The following LRMDA variants were observed in gnomAD, a reference collection of about 807,000 sequenced individuals.
LRMDA encodes leucine rich melanocyte differentiation associated.
A neutral mutation model predicts 29.8 loss-of-function variants in LRMDA; 18 were observed. The ratio of observed to expected loss-of-function variants is 0.60; its 90% CI spans 0.42 to 0.90. The LOEUF is 0.90. Among genes scored for constraint, LRMDA ranks in the 40% least tolerant of loss-of-function variants. The pLI is 0.00. For missense variants in LRMDA, 273 were observed against 273.9 expected (o/e 1.00, Z 0.02); for synonymous variants, 125 against 109.4 (o/e 1.14, Z -0.89).
chr10:76,334,001 CTGGCCTG>C (rs1350311145), intron 6 of LRMDA, among the ~76,000 whole-genome samples: 2 of 152,282 alleles, frequency 1.3e-5, no homozygotes, highest in East Asian at 3.9e-4. Context: ...GAACTCTAAT[CTGGCCTG>C]TTAAATGGAA....
chr10:75,523,222 G>A (rs923598273), intron 2 of LRMDA, among the ~76,000 whole-genome samples: 6 of 152,128 alleles, frequency 3.9e-5, no homozygotes, highest in African/African-American at 9.7e-5. Context: ...GCTCTCCCTG[G>A]GTGGAGAGCC....
At chr10:75,538,107 G>T (rs758379401) in intron 2 of LRMDA, among the ~76,000 whole-genome samples, 3 of 152,154 alleles carry the variant, frequency 2.0e-5, no homozygotes, top group Non-Finnish European at 4.4e-5. Flanking sequence ...GAATTTTGAG[G>T]TCTGAGGACA....
chr10:76,149,479 A>G (rs1297521432), intron 5 of LRMDA, among the ~76,000 whole-genome samples: 1 of 152,158 alleles, frequency 6.6e-6, no homozygotes, highest in Non-Finnish European at 1.5e-5. Context: ...TCTGGTCTAC[A>G]TTTTTGTCAT....
chr10:76,125,344 A>C (rs1431440154), intron 5 of LRMDA, among the ~76,000 whole-genome samples: 4 of 152,202 alleles, frequency 2.6e-5, no homozygotes, highest in Non-Finnish European at 5.9e-5. Flanking sequence ...CATTCTTCCA[A>C]AATTATCCAC....
intron 2 of LRMDA, among the ~76,000 whole-genome samples, chr10:75,970,800 G>A (rs1018277029): frequency 8.5e-5 from 13 of 152,186 alleles, no homozygotes; most frequent in East Asian, 1.9e-4. Flanking sequence ...TCTCAGCTCC[G>A]TGTGAGCTGA....
chr10:76,110,548 ATC>A (rs1849560104), intron 5 of LRMDA, among the ~76,000 whole-genome samples: 1 of 152,138 alleles, frequency 6.6e-6, no homozygotes, highest in Non-Finnish European at 1.5e-5. Context: ...CTTGAATTGT[ATC>A]TCTCAGAATT....
intron 2 of LRMDA, among the ~76,000 whole-genome samples, chr10:75,790,826 C>T (rs1219358081): frequency 1.3e-5 from 2 of 152,174 alleles, no homozygotes; most frequent in Non-Finnish European, 2.9e-5. Context: ...AAACCAGGTC[C>T]AAGAGGAGTT....
chr10:75,520,617 G>C (rs1411604032), intron 2 of LRMDA, among the ~76,000 whole-genome samples: 1 of 152,080 alleles, frequency 6.6e-6, no homozygotes, highest in East Asian at 1.9e-4. Context: ...CCTTGCGATG[G>C]GTTCGAACAT....
In LRMDA at chr10:76,007,023, TGTGTGTGTGCGC is replaced by T. The variant is rs1376427672; in HGVS notation, c.132-28976_132-28965del. Among the ~76,000 whole-genome samples the T allele has an allele frequency of 1.2e-4, 4 of 32,230 alleles. 1 individual carries two copies. Among genetic ancestry groups the T allele is most frequent in the East Asian group, 6.5e-4 (1 of 1,534 alleles). The allele number at this position is 32,230 out of a possible 152,430, so 21.1% of individuals were successfully genotyped here. On this transcript the variant is annotated intron_variant, in intron 2 of 6. Coordinates refer to ENST00000611255, the MANE Select transcript of LRMDA (RefSeq NM_001305581.2). ...GTGTGTGTGTGTGTGTGTGTGTGTG[TGTGTGTGTGCGC>T]GTGTGTGTTTATATATTTATTTTCC... is the stretch of plus-strand genomic sequence containing the variant.
At chr10:75,951,570 G>C (rs576378328) in intron 2 of LRMDA, among the ~76,000 whole-genome samples, 2 of 152,346 alleles carry the variant, frequency 1.3e-5, no homozygotes, top group Admixed American at 1.3e-4. Context: ...CATTCTCCTT[G>C]ATTTGCGAGC....
intron 5 of LRMDA, among the ~76,000 whole-genome samples, chr10:76,101,316 G>T (rs1589326981): frequency 1.3e-5 from 2 of 152,312 alleles, no homozygotes; most frequent in African/African-American, 2.4e-5. Flanking sequence ...CCTTGGGTTT[G>T]TTACCTGGTA....
At chr10:76,019,424 T>C (rs1847932814) in intron 2 of LRMDA, among the ~76,000 whole-genome samples, 1 of 152,194 alleles carries the variant, frequency 6.6e-6, no homozygotes. Context: ...GTTCTTATTA[T>C]CTTTGCTGCA....
At chr10:76,548,276 A>G (rs1008015399) in intron 6 of LRMDA, among the ~76,000 whole-genome samples, 1 of 152,188 alleles carries the variant, frequency 6.6e-6, no homozygotes, top group Admixed American at 6.5e-5. Flanking sequence ...TCTCAGCTTG[A>G]GAATCCTCCA....
At chr10:76,282,959 A>G (rs2132336526) in intron 5 of LRMDA, among the ~76,000 whole-genome samples, 1 of 152,282 alleles carries the variant, frequency 6.6e-6, no homozygotes, top group African/African-American at 2.4e-5. Context: ...TGTTGCTGAT[A>G]CTTAAACTTC....
At chr10:75,631,810 C>G (rs1841327273) in intron 2 of LRMDA, among the ~76,000 whole-genome samples, 1 of 152,146 alleles carries the variant, frequency 6.6e-6, no homozygotes, top group Non-Finnish European at 1.5e-5. Flanking sequence ...GAGTGATCTC[C>G]TATGACTGGC....
chr10:76,185,782 A>G (rs942822691), intron 5 of LRMDA, among the ~76,000 whole-genome samples: 1 of 152,232 alleles, frequency 6.6e-6, no homozygotes, highest in Non-Finnish European at 1.5e-5. Context: ...AAGTACAAAT[A>G]TGCTCAAAGT....
intron 5 of LRMDA, among the ~76,000 whole-genome samples, chr10:76,131,079 C>T (rs1849984430): frequency 6.6e-6 from 1 of 152,178 alleles, no homozygotes; most frequent in Admixed American, 6.5e-5. Context: ...ACCAAAAATG[C>T]ACATTTATGG....
chr10:75,552,439 C>T (rs1840164053), intron 2 of LRMDA: 1 of 280,674 alleles, frequency 3.6e-6, no homozygotes, highest in Non-Finnish European at 7.9e-6. Flanking sequence ...CCCCCTCTGG[C>T]TGCTTTCAGA....
chr10:75,767,046 A>G (rs899296168), intron 2 of LRMDA, among the ~76,000 whole-genome samples: 1 of 152,060 alleles, frequency 6.6e-6, no homozygotes, highest in African/African-American at 2.4e-5. Flanking sequence ...TCTATTATTG[A>G]TGGGCATTTG....
Sources: gnomAD v4.1 joint callset for allele counts (sites outside exome capture counted in the v4.1 genomes callset) on GRCh38, gnomAD v4.1.1 for gene constraint, MANE v1.5 for transcripts, NCBI Gene and HGNC (gene_info 2026-07-23, HGNC 2026-07-21) for gene names.